The following STIM2 variants were observed in gnomAD, a reference collection of about 807,000 sequenced individuals.
The protein encoded by STIM2 is stromal interaction molecule 2.
A neutral mutation model predicts 85.8 loss-of-function variants in STIM2; 31 were observed. The ratio of observed to expected loss-of-function variants is 0.36; its 90% confidence interval spans 0.27 to 0.49. STIM2 has a LOEUF of 0.49. Among genes scored for constraint, STIM2 ranks in the 20% least tolerant of loss-of-function variants. STIM2 has a pLI of 0.98. For synonymous variants in STIM2, 356 were observed against 331.1 expected (o/e 1.08, Z -0.82); for missense variants, 841 against 927.6 (o/e 0.91, Z 1.21).
intron 1 of STIM2, among the ~76,000 whole-genome samples, chr4:26,891,006 A>G (rs1723456581): frequency 6.6e-6 from 1 of 152,188 alleles, no homozygotes; most frequent in Non-Finnish European, 1.5e-5. Flanking sequence ...ACATGTCCCA[A>G]GTGGCACAGC....
chr4:26,937,701 G>A (rs1313059224), intron 2 of STIM2, among the ~76,000 whole-genome samples: 3 of 152,102 alleles, frequency 2.0e-5, no homozygotes, highest in East Asian at 3.9e-4. Flanking sequence ...GGGTGTAAAC[G>A]AGGACTGTCC....
intron 5 of STIM2, 99 bp from the exon 6 acceptor site, chr4:27,002,118 T>G: frequency 1.8e-6 from 2 of 1,105,312 alleles, no homozygotes; most frequent in South Asian, 1.8e-5. Context: ...GATCTCCAAT[T>G]TTTGGTTTTG....
intron 1 of STIM2, among the ~76,000 whole-genome samples, chr4:26,867,108 G>A (rs1406345680): frequency 1.3e-5 from 2 of 152,146 alleles, no homozygotes; most frequent in African/African-American, 2.4e-5. Context: ...TAATTATGGA[G>A]TGGCTATGAA....
intron 1 of STIM2, among the ~76,000 whole-genome samples, chr4:26,865,584 T>C (rs1409410812): frequency 6.6e-6 from 1 of 152,170 alleles, no homozygotes; most frequent in Admixed American, 6.5e-5. Context: ...GTGAACACTT[T>C]CACAATGATT....
chr4:26,993,065 A>G (rs955625691), intron 3 of STIM2, among the ~76,000 whole-genome samples: 1 of 152,142 alleles, frequency 6.6e-6, no homozygotes, highest in African/African-American at 2.4e-5. Context: ...TCACTGTTGA[A>G]CAGTCATAGA....
rs1722567797 is a variant in STIM2 at position 26,870,317 on chromosome 4, GGATGT to G, written c.151+8958_151+8962del. ...CACACCAAAAAAAAAAAAAAGGTAAGGATGTGATGTGATGGATTATGTGAATTAGC... is the reference window on the plus strand; with the variant it reads ...CACACCAAAAAAAAAAAAAAGGTAAGGATGTGATGGATTATGTGAATTAGC... On this transcript the variant is annotated intron_variant, in intron 1 of 11. Coordinates refer to ENST00000467087, the MANE Select transcript of STIM2 (RefSeq NM_020860.4). 2.0e-5 allele frequency among the ~76,000 whole-genome samples: 3 copies of G among 151,314 alleles called. No homozygotes were observed. In the South Asian group the frequency reaches 6.3e-4, roughly 32 times the overall value.
chr4:26,984,987 A>T (rs1020704438), intron 3 of STIM2, among the ~76,000 whole-genome samples: 8 of 152,208 alleles, frequency 5.3e-5, no homozygotes, highest in African/African-American at 1.9e-4. Flanking sequence ...TCCGAACTCA[A>T]GTTCAGGGTG....
chr4:26,921,284 T>C (rs1383234305), intron 2 of STIM2, among the ~76,000 whole-genome samples: 2 of 152,226 alleles, frequency 1.3e-5, no homozygotes, highest in African/African-American at 2.4e-5. Context: ...AGCATGATTC[T>C]GTGGACACAT....
At chr4:26,887,080 C>G (rs1577416432) in intron 1 of STIM2, among the ~76,000 whole-genome samples, 1 of 151,690 alleles carries the variant, frequency 6.6e-6, no homozygotes, top group African/African-American at 2.4e-5. Flanking sequence ...AAAGCTTATG[C>G]CTTTATAGGA....
chr4:26,946,129 C>T (rs1725825113), intron 2 of STIM2, among the ~76,000 whole-genome samples: 2 of 152,120 alleles, frequency 1.3e-5, no homozygotes, highest in African/African-American at 4.8e-5. Context: ...CATAGGCAAA[C>T]ATTGATGTCC....
chr4:26,975,314 A>G (rs1392515671), intron 3 of STIM2, among the ~76,000 whole-genome samples: 2 of 152,292 alleles, frequency 1.3e-5, no homozygotes, highest in East Asian at 3.9e-4. Flanking sequence ...TTGGAGGAGA[A>G]GGGGCACTCT....
intron 1 of STIM2, 129 bp from the exon 2 acceptor site, chr4:26,919,375 C>A: frequency 8.8e-7 from 1 of 1,141,486 alleles, no homozygotes; most frequent in Non-Finnish European, 1.3e-6. Flanking sequence ...TTCTGTTAGA[C>A]GTTTTAAAGT....
rs1382621443 is a variant in STIM2 at position 27,008,422 on chromosome 4, T to G, written c.1150-6T>G. The G allele has an allele frequency of 6.4e-7, 1 of 1,570,244 alleles. No homozygotes were observed. The highest frequency in any genetic ancestry group is 1.2e-5 in the South Asian group (1 of 80,528). ...CTAGCCTTATTTAGTCCTTTTCGGTTTCTAGGCAGAAAAAATTAAAAAGAA... is the reference window on the plus strand; with the variant it reads ...CTAGCCTTATTTAGTCCTTTTCGGTGTCTAGGCAGAAAAAATTAAAAAGAA... On this transcript the variant is annotated splice_polypyrimidine_tract_variant and splice_region_variant and intron_variant, in intron 8 of 11. Transcript: ENST00000467087.
intron 1 of STIM2, among the ~76,000 whole-genome samples, chr4:26,904,608 G>C (rs1258173131): frequency 2.0e-5 from 3 of 152,192 alleles, no homozygotes; most frequent in Non-Finnish European, 4.4e-5. Flanking sequence ...AGTTTTGGTG[G>C]AGTGGTGAGA....
chr4:27,012,802 A>T (rs1374524023), intron 10 of STIM2, among the ~76,000 whole-genome samples: 1 of 151,992 alleles, frequency 6.6e-6, no homozygotes. Flanking sequence ...TTGGTAGATT[A>T]CTTTTAAGTT....
At position 27,017,807 on chromosome 4, in the gene STIM2, C is replaced by T. The variant is rs1020888544; in HGVS notation, c.1586C>T (p.Ala529Val). 1.7e-5 allele frequency: 28 copies of T among 1,614,076 alleles called. No individual in the cohort carries two copies. The Middle Eastern group carries it at 4.9e-4, about 28-fold the overall frequency. ...CCGTCCTCGCCTCAGCCTCAGCGAG[C>T]TCAGCTTGCTCCACACGCCCCCCAC... The change falls in exon 11 of 12, where the codon GCT becomes GTT. Residue 529 changes from alanine to valine, a missense_variant. This residue lies in a region of STIM2 where 293 missense variants were observed against 284.5 expected (regional missense o/e 1.03). Coordinates refer to ENST00000467087, the MANE Select transcript of STIM2 (RefSeq NM_020860.4).
chr4:26,940,032 C>T (rs190352862), intron 2 of STIM2, among the ~76,000 whole-genome samples: 91 of 152,210 alleles, frequency 6.0e-4, no homozygotes, highest in African/African-American at 2.1e-3. Flanking sequence ...GTCGTTAAGA[C>T]GAACTTTGTG....
intron 3 of STIM2, among the ~76,000 whole-genome samples, chr4:26,962,657 C>G (rs1420860543): frequency 6.6e-6 from 1 of 151,534 alleles, no homozygotes; most frequent in Non-Finnish European, 1.5e-5. Context: ...CACATGGCAG[C>G]TGTCTAATGC....
intron 4 of STIM2, among the ~76,000 whole-genome samples, chr4:26,998,416 T>C (rs1728033703): frequency 6.6e-6 from 1 of 152,332 alleles, no homozygotes; most frequent in South Asian, 2.1e-4. Context: ...TTCAATGTAC[T>C]TTGTTCAATT....
Sources: gnomAD v4.1 joint callset for allele counts (sites outside exome capture counted in the v4.1 genomes callset) on GRCh38, gnomAD v4.1.1 for gene constraint, gnomAD v4.1.1 regional missense constraint, MANE v1.5 for transcripts, NCBI Gene and HGNC (gene_info 2026-07-23, HGNC 2026-07-21) for gene names.